BTBD3: variants seen among roughly 807,000 people sequenced by gnomAD.
BTBD3 encodes the protein BTB domain containing 3.
A neutral mutation model predicts 41.6 loss-of-function variants in BTBD3; 14 were observed. That is an observed-to-expected ratio of 0.34 (90% confidence interval 0.22 to 0.53). The LOEUF (loss-of-function observed/expected upper bound fraction) is 0.53. BTBD3 is among the 20% of genes least tolerant of loss of function. BTBD3 has a pLI of 0.95. For synonymous variants in BTBD3, 249 were observed against 233.7 expected, an observed-to-expected ratio of 1.07 and a Z score of -0.60; for missense variants, 426 against 654.7, an observed-to-expected ratio of 0.65 and a Z score of 3.81.
intron 1 of BTBD3, among the ~76,000 whole-genome samples, chr20:11,904,221 G>A (rs2056840226): frequency 6.6e-6 from 1 of 152,154 alleles, no homozygotes; most frequent in African/African-American, 2.4e-5. Context: ...GCATGGCTGG[G>A]GGTGGTGCTC....
In BTBD3 at chr20:11,912,625, G is replaced by T. The variant is rs902740749; in HGVS notation, c.-125-5709G>T. ...TTGAGATTTTGTGTTTTAGATGATT[G>T]CATCACAAACGTTTCCTGCTTTGGG... On this transcript the variant is annotated intron_variant, in intron 1 of 4. Coordinates refer to the BTBD3 transcript ENST00000254977. Among the ~76,000 whole-genome samples, 6 of 152,310 alleles carry T rather than the reference G, an allele frequency of 3.9e-5. No individual in the cohort carries two copies. In the East Asian group the frequency reaches 7.7e-4, roughly 20 times the overall value.
chr20:11,907,755 C>T (rs898546930), intron 1 of BTBD3, among the ~76,000 whole-genome samples: 1 of 152,092 alleles, frequency 6.6e-6, no homozygotes, highest in Non-Finnish European at 1.5e-5. Context: ...TGGCAGGAAG[C>T]AATGGACCCA....
intron 1 of BTBD3, among the ~76,000 whole-genome samples, chr20:11,901,579 T>G (rs1259401048): frequency 2.0e-5 from 3 of 152,226 alleles, no homozygotes; most frequent in Non-Finnish European, 4.4e-5. Context: ...TTAATACCAT[T>G]CAATAAGTAT....
At chr20:11,906,324 G>C (rs185155704) in intron 1 of BTBD3, among the ~76,000 whole-genome samples, 1 of 128,336 alleles carries the variant, frequency 7.8e-6, no homozygotes, top group Admixed American at 9.3e-5. Context: ...GAGTGCAATG[G>C]TGTTATCGGT....
chr20:11,918,214 C>T lies in BTBD3; in HGVS notation c.-62C>T. On this transcript the variant is annotated 5_prime_UTR_variant, in exon 1 of 4. Transcript: ENST00000378226. ...TTAACCTCTTAGCCCGGGCTAATCTCTTTTCCTTGATGTTCAAACCAATTT... is the reference window on the plus strand; with the variant it reads ...TTAACCTCTTAGCCCGGGCTAATCTTTTTTCCTTGATGTTCAAACCAATTT... 1.3e-6 allele frequency: 2 copies of T among 1,506,336 alleles called. No homozygotes were observed. Among genetic ancestry groups the T allele is most frequent in the South Asian group, 2.7e-5 (2 of 72,850 alleles). The allele number at this position is 1,506,336 out of a possible 1,614,324, so 93.3% of individuals were successfully genotyped here. A position where few individuals can be genotyped will look rare whatever the true frequency, so the allele number is the denominator to read the frequency against.
At chr20:11,891,491 C>T (rs1189693625) in intron 1 of BTBD3, 2 of 151,916 alleles carry the variant, frequency 1.3e-5, no homozygotes, top group Non-Finnish European at 2.9e-5. Flanking sequence ...CGGGGACCGA[C>T]GCTCCGGGTT....
intron 1 of BTBD3, among the ~76,000 whole-genome samples, chr20:11,898,557 G>T (rs1244977188): frequency 1.3e-5 from 2 of 152,152 alleles, no homozygotes; most frequent in Non-Finnish European, 2.9e-5. Context: ...ACCTCTGCTA[G>T]ACTATAAATT....
chr20:11,914,635 T>A (rs376797464), upstream of BTBD3, among the ~76,000 whole-genome samples: 134 of 145,194 alleles, frequency 9.2e-4, no homozygotes, highest in African/African-American at 3.3e-3. Context: ...AATAATAAAA[T>A]AAAAAAAAAA....
chr20:11,918,668 C>T, intron 1 of BTBD3, 67 bp downstream of exon 1: 2 of 1,450,314 alleles, frequency 1.4e-6, no homozygotes, highest in Admixed American at 4.7e-5. Context: ...TTTTGCAAAA[C>T]CTGTAATGTA....
In BTBD3 at chr20:11,897,162, G is replaced by A. The variant is rs1208523723; in HGVS notation, c.-126+6208G>A. On this transcript the variant is annotated intron_variant, in intron 1 of 4. Coordinates refer to the BTBD3 transcript ENST00000254977. ...TGAATTTAGAATGTGCCAAGGCTCA[G>A]TTCTCACCCGCCTGTTGTCACAAAT... Among the ~76,000 whole-genome samples, 7 of 152,106 alleles carry A rather than the reference G, an allele frequency of 4.6e-5. No homozygotes were observed. The East Asian group carries it at 1.4e-3, about 29-fold the overall frequency.
chr20:11,893,455 G>A (rs1254745077), intron 1 of BTBD3, among the ~76,000 whole-genome samples: 2 of 152,228 alleles, frequency 1.3e-5, no homozygotes, highest in Admixed American at 1.3e-4. Context: ...TTCCAGCAGT[G>A]ATGCTGGGCT....
At chr20:11,897,782 A>G (rs1432185377) in intron 1 of BTBD3, among the ~76,000 whole-genome samples, 1 of 152,190 alleles carries the variant, frequency 6.6e-6, no homozygotes, top group Non-Finnish European at 1.5e-5. Flanking sequence ...TTTTAAAAAC[A>G]TAAGTCAAAT....
chr20:11,896,050 C>T (rs761951768), intron 1 of BTBD3, among the ~76,000 whole-genome samples: 1 of 152,176 alleles, frequency 6.6e-6, no homozygotes, highest in South Asian at 2.1e-4. Flanking sequence ...TTAAATTTAC[C>T]GTCTTAATCT....
intron 1 of BTBD3, among the ~76,000 whole-genome samples, chr20:11,904,893 A>G (rs2056844512): frequency 6.6e-6 from 1 of 152,190 alleles, no homozygotes; most frequent in Non-Finnish European, 1.5e-5. Context: ...CTTTAAATCC[A>G]TTGGTCGACC....
chr20:11,892,315 C>T (rs988428856), intron 1 of BTBD3, among the ~76,000 whole-genome samples: 2 of 152,188 alleles, frequency 1.3e-5, no homozygotes, highest in African/African-American at 4.8e-5. Flanking sequence ...TTTAACCCTA[C>T]CTCAGTCCCC....
At chr20:11,909,537 G>A (rs1048825857) in intron 1 of BTBD3, 1 of 152,086 alleles carries the variant, frequency 6.6e-6, no homozygotes, top group African/African-American at 2.4e-5. Flanking sequence ...CTTCATGTAT[G>A]TTTAAGTTTT....
chr20:11,911,627 G>A (rs1264528813), intron 1 of BTBD3, among the ~76,000 whole-genome samples: 1 of 152,206 alleles, frequency 6.6e-6, no homozygotes, highest in Non-Finnish European at 1.5e-5. Flanking sequence ...ATTTGTTTGA[G>A]GCTGCATTCA....
In BTBD3 at chr20:11,909,142, C is replaced by T. The variant is rs943078440; in HGVS notation, c.-125-9192C>T. 8.6e-5 allele frequency among the ~76,000 whole-genome samples: 13 copies of T among 151,950 alleles called. 1 individual carries two copies. Among genetic ancestry groups the T allele is most frequent in the East Asian group, 5.8e-4 (3 of 5,132 alleles). Reference sequence around the variant, plus strand: ...ATACAAACTTAGCCCGGTGTGGTGGCGCATTCCTGTAATCTCAGGTATTTG... The same window carrying T: ...ATACAAACTTAGCCCGGTGTGGTGGTGCATTCCTGTAATCTCAGGTATTTG... On this transcript the variant is annotated intron_variant, in intron 1 of 4. Coordinates refer to the BTBD3 transcript ENST00000254977.
chr20:11,903,331 C>G (rs2056834734), intron 1 of BTBD3, among the ~76,000 whole-genome samples: 1 of 152,072 alleles, frequency 6.6e-6, no homozygotes, highest in African/African-American at 2.4e-5. Flanking sequence ...TAGGAGAACA[C>G]CAAAGATTGC....
Sources: allele counts gnomAD v4.1 joint callset (sites outside exome capture counted in the v4.1 genomes callset), GRCh38; gene constraint gnomAD v4.1.1; transcripts MANE v1.5; gene names NCBI Gene and HGNC (gene_info 2026-07-23, HGNC 2026-07-21).